The following HIVEP1 variants were observed in gnomAD, a reference collection of about 807,000 sequenced individuals.
HIVEP1 encodes HIVEP zinc finger 1.
In HIVEP1, 36 loss-of-function variants were observed where a neutral mutation model predicts 180.0. That is an observed-to-expected ratio of 0.20 (90% CI 0.15 to 0.26). The LOEUF (loss-of-function observed/expected upper bound fraction) is 0.26. Ranked by LOEUF, HIVEP1 falls within the 10% of genes least tolerant of loss-of-function variation. The pLI is 1.00. For synonymous variants in HIVEP1, 1,239 were observed against 1,239.0 expected (o/e 1.00, Z 0.00); for missense variants, 3,143 against 3,268.7 (o/e 0.96, Z 0.94).
At chr6:12,143,119 C>T (rs1224309838) in intron 7 of HIVEP1, among the ~76,000 whole-genome samples, 3 of 152,162 alleles carry the variant, frequency 2.0e-5, no homozygotes, top group African/African-American at 4.8e-5. Context: ...TGATGAACAT[C>T]GATGTGAAAA....
At chr6:12,141,691 CAAAAAAA>C (rs60419579) in intron 7 of HIVEP1, among the ~76,000 whole-genome samples, 18 of 19,234 alleles carry the variant, frequency 9.4e-4, no homozygotes, top group East Asian at 5.1e-3. Context: ...AAATGGAAAG[CAAAAAAA>C]AAAAAAAAAA....
Position 12,021,756 on chromosome 6 carries a change from C to G in HIVEP1, c.40+6088C>G, listed in dbSNP as rs191335905. Reference sequence around the variant, plus strand: ...TCTTGGCTCACTGCAACCTCCGCCTCTAGGGTTCAAGCAATTCTCCTGCCT... The same window carrying G: ...TCTTGGCTCACTGCAACCTCCGCCTGTAGGGTTCAAGCAATTCTCCTGCCT... On this transcript the variant is annotated intron_variant, in intron 2 of 8. Coordinates refer to ENST00000379388, the MANE Select transcript of HIVEP1 (RefSeq NM_002114.4). Among the ~76,000 whole-genome samples, 311 of 151,998 alleles carry G rather than the reference C, an allele frequency of 2.0e-3. 2 individuals are homozygous for G. Among genetic ancestry groups the G allele is most frequent in the Admixed American group, 3.1e-3 (48 of 15,280 alleles).
intron 3 of HIVEP1, among the ~76,000 whole-genome samples, chr6:12,095,663 G>T (rs931356515): frequency 1.6e-4 from 25 of 151,830 alleles, no homozygotes; most frequent in African/African-American, 4.8e-5. Flanking sequence ...TAGTATAAAA[G>T]TACTCATAGA....
upstream of HIVEP1, among the ~76,000 whole-genome samples, chr6:12,011,581 G>A (rs1323911115): frequency 2.1e-5 from 2 of 97,434 alleles, no homozygotes; most frequent in Non-Finnish European, 4.3e-5. Context: ...CCTCCCCCCC[G>A]GGCTGCGCTG....
intron 2 of HIVEP1, among the ~76,000 whole-genome samples, chr6:12,030,923 T>C (rs1768897288): frequency 6.6e-6 from 1 of 152,244 alleles, no homozygotes; most frequent in Admixed American, 6.5e-5. Flanking sequence ...TGCTCCCTTG[T>C]GAGTTATTTT....
intron 2 of HIVEP1, among the ~76,000 whole-genome samples, chr6:12,033,177 T>G (rs1769067736): frequency 6.6e-6 from 1 of 152,240 alleles, no homozygotes; most frequent in Non-Finnish European, 1.5e-5. Context: ...AACTGTAGGC[T>G]AATATAAATG....
At chr6:12,056,381 C>T (rs1054798390) in intron 2 of HIVEP1, among the ~76,000 whole-genome samples, 2 of 152,058 alleles carry the variant, frequency 1.3e-5, no homozygotes, top group East Asian at 1.9e-4. Flanking sequence ...TTCCTTCAGT[C>T]GAATTCATAG....
chr6:12,052,901 G>A (rs534759406), intron 2 of HIVEP1, among the ~76,000 whole-genome samples: 1 of 152,282 alleles, frequency 6.6e-6, no homozygotes, highest in South Asian at 2.1e-4. Flanking sequence ...GGCTAAAATG[G>A]TTAGGAAATG....
chr6:12,158,002 C>T (rs1440079654), intron 7 of HIVEP1, among the ~76,000 whole-genome samples: 1 of 152,136 alleles, frequency 6.6e-6, no homozygotes, highest in African/African-American at 2.4e-5. Context: ...CTGAAAGTCC[C>T]ATCTGTTATT....
In HIVEP1 at chr6:12,135,855, A is replaced by G. The variant is rs774951225; in HGVS notation, c.6450A>G (p.Ser2150=). The change falls in exon 7 of 9, where the codon TCA becomes TCG. Residue 2150 remains serine, a synonymous_variant. Transcript: ENST00000379388. ...AGAAATGTGTGGATTTAGGCGTCTC[A>G]GTAGGTTTAATAGATGAACAGGATA... is the stretch of plus-strand genomic sequence containing the variant. The part of the protein sequence containing the change: ...HSKKCVDLGV[S]VGLIDEQDTE... The G allele has an allele frequency of 3.7e-6, 6 of 1,611,510 alleles. No homozygotes were observed. The highest frequency in any genetic ancestry group is 5.1e-6 in the Non-Finnish European group (6 of 1,177,760).
intron 2 of HIVEP1, among the ~76,000 whole-genome samples, chr6:12,067,756 A>G (rs760360028): frequency 5.0e-4 from 76 of 151,844 alleles, no homozygotes; most frequent in Admixed American, 2.6e-4. Context: ...GGCTGTTATG[A>G]TGAAAGGAAA....
intron 2 of HIVEP1, among the ~76,000 whole-genome samples, chr6:12,025,806 G>A (rs557395736): frequency 1.2e-4 from 19 of 152,296 alleles, no homozygotes; most frequent in South Asian, 1.2e-3. Context: ...TTGGGAGGCC[G>A]AAGCAGGTGG....
chr6:12,153,061 C>T (rs1046278107), intron 7 of HIVEP1, among the ~76,000 whole-genome samples: 1 of 152,150 alleles, frequency 6.6e-6, no homozygotes, highest in African/African-American at 2.4e-5. Flanking sequence ...ATAACTGATT[C>T]TTAAACTTTT....
At chr6:12,015,286 T>G (rs1767669638) in intron 1 of HIVEP1, among the ~76,000 whole-genome samples, 1 of 152,242 alleles carries the variant, frequency 6.6e-6, no homozygotes, top group Non-Finnish European at 1.5e-5. Context: ...AAACACAAAG[T>G]GAGTTTTTTT....
chr6:12,194,623 G>A, the HIVEP1 span, among the ~76,000 whole-genome samples: 1 of 152,220 alleles, frequency 6.6e-6, no homozygotes, highest in South Asian at 2.1e-4. Flanking sequence ...CCAACATGCT[G>A]AAACCCTGTC....
At chr6:12,102,824 T>C (rs1239586754) in intron 3 of HIVEP1, among the ~76,000 whole-genome samples, 1 of 152,206 alleles carries the variant, frequency 6.6e-6, no homozygotes, top group East Asian at 1.9e-4. Flanking sequence ...CTGAAACTTT[T>C]AGTACAGAAA....
At chr6:12,027,492 A>G (rs535741066) in intron 2 of HIVEP1, among the ~76,000 whole-genome samples, 2 of 152,326 alleles carry the variant, frequency 1.3e-5, no homozygotes, top group African/African-American at 4.8e-5. Context: ...TTAGGGAGCC[A>G]CCTGTTGAGT....
chr6:12,031,479 G>A (rs1414156457), intron 2 of HIVEP1, among the ~76,000 whole-genome samples: 1 of 152,140 alleles, frequency 6.6e-6, no homozygotes, highest in South Asian at 2.1e-4. Flanking sequence ...AGCCTCAGGC[G>A]GACATTGCCA....
chr6:12,018,403 G>C (rs538097755), intron 2 of HIVEP1, among the ~76,000 whole-genome samples: 1 of 152,232 alleles, frequency 6.6e-6, no homozygotes, highest in African/African-American at 2.4e-5. Context: ...AGGAGGCGCC[G>C]AGAGCGAGTG....
Sources: allele counts gnomAD v4.1 joint callset (sites outside exome capture counted in the v4.1 genomes callset), GRCh38; gene constraint gnomAD v4.1.1; transcripts MANE v1.5; gene names NCBI Gene and HGNC (gene_info 2026-07-23, HGNC 2026-07-21).